SRGAP1: variants seen among roughly 807,000 people sequenced by gnomAD.
SRGAP1 encodes SLIT-ROBO Rho GTPase-activating protein 1.
A neutral mutation model predicts 121.9 loss-of-function variants in SRGAP1; 43 were observed. The observed-to-expected ratio is 0.35, with a 90% CI of 0.28 to 0.46. The LOEUF is 0.46. SRGAP1 is among the 20% of genes least tolerant of loss of function. The pLI, the probability that SRGAP1 is intolerant of heterozygous loss-of-function variation, is 1.00. For synonymous variants in SRGAP1, 447 were observed against 485.4 expected (o/e 0.92, Z 1.04); for missense variants, 1,102 against 1,350.9 (o/e 0.82, Z 2.89).
At chr12:63,907,039 G>A (rs773755990) in intron 1 of SRGAP1, among the ~76,000 whole-genome samples, 4 of 151,878 alleles carry the variant, frequency 2.6e-5, no homozygotes, top group Non-Finnish European at 5.9e-5. Flanking sequence ...AGTATGTGAG[G>A]GTGCTAATTT....
At chr12:64,106,824 A>G (rs1297339086) in intron 15 of SRGAP1, among the ~76,000 whole-genome samples, 1 of 152,222 alleles carries the variant, frequency 6.6e-6, no homozygotes, top group Non-Finnish European at 1.5e-5. Context: ...TGCCTTGTTC[A>G]TAGCGTTATA....
chr12:64,115,990 C>G (rs1233532356), intron 18 of SRGAP1, 97 bp downstream of exon 18: 9 of 1,162,534 alleles, frequency 7.7e-6, no homozygotes, highest in African/African-American at 1.5e-5. Flanking sequence ...CACAGTGGCT[C>G]CTACCTATAA....
chr12:63,895,669 C>T (rs187045642), intron 1 of SRGAP1, among the ~76,000 whole-genome samples: 162 of 152,302 alleles, frequency 1.1e-3, no homozygotes, highest in African/African-American at 3.6e-3. Context: ...TAGTAACCTC[C>T]CATTTCCTTT....
chr12:63,893,716 T>G (rs895917307), intron 1 of SRGAP1, among the ~76,000 whole-genome samples: 3 of 152,220 alleles, frequency 2.0e-5, no homozygotes, highest in Non-Finnish European at 4.4e-5. Flanking sequence ...TACACTTTAC[T>G]TTTACTAGAT....
chr12:63,953,613 C>A (rs1321004523), intron 1 of SRGAP1, among the ~76,000 whole-genome samples: 1 of 151,802 alleles, frequency 6.6e-6, no homozygotes, highest in African/African-American at 2.4e-5. Flanking sequence ...CACTTTATTG[C>A]CCAGTCTGGT....
intron 1 of SRGAP1, among the ~76,000 whole-genome samples, chr12:63,897,024 T>C (rs1265566591): frequency 6.6e-6 from 1 of 152,128 alleles, no homozygotes; most frequent in Non-Finnish European, 1.5e-5. Context: ...GGGAGATGAG[T>C]GTCAGTATTT....
At chr12:63,996,042 A>G (rs932266224) in intron 3 of SRGAP1, among the ~76,000 whole-genome samples, 1 of 151,896 alleles carries the variant, frequency 6.6e-6, no homozygotes, top group African/African-American at 2.4e-5. Flanking sequence ...AAAAAGTACC[A>G]TAAGTTAAAA....
At chr12:64,054,057 C>T (rs562426951) in intron 6 of SRGAP1, among the ~76,000 whole-genome samples, 32 of 152,142 alleles carry the variant, frequency 2.1e-4, no homozygotes, top group African/African-American at 7.7e-4. Flanking sequence ...CAGAGAAACT[C>T]AGTCCTCAAC....
At position 64,154,444 on chromosome 12, in the gene SRGAP1, G is replaced by C. The variant is rs553903801; in HGVS notation, c.*11772G>C. 4.6e-5 allele frequency: 7 copies of C among 152,212 alleles called. No homozygotes were observed. In the East Asian group the frequency reaches 9.7e-4, roughly 21 times the overall value. 9.4% of individuals were successfully genotyped at this position (152,212 alleles called of 1,614,324 possible). ...AGGGTGGCTTGGACTAGATAGCCAG[G>C]TAGAAGGAGAGGAAGGGATGAACCG... On this transcript the variant is annotated 3_prime_UTR_variant, in exon 22 of 22. Transcript: ENST00000355086.
At chr12:64,096,571 A>C (rs1322738247) in intron 14 of SRGAP1, among the ~76,000 whole-genome samples, 1 of 152,194 alleles carries the variant, frequency 6.6e-6, no homozygotes, top group Non-Finnish European at 1.5e-5. Flanking sequence ...AATATTTTAA[A>C]GTTGTTTACC....
At chr12:64,050,159 G>A (rs1593078039) in intron 6 of SRGAP1, among the ~76,000 whole-genome samples, 1 of 152,138 alleles carries the variant, frequency 6.6e-6, no homozygotes, top group African/African-American at 2.4e-5. Flanking sequence ...TATTATAAAT[G>A]GGATTACTTT....
intron 3 of SRGAP1, among the ~76,000 whole-genome samples, chr12:63,992,015 G>A (rs375226108): frequency 9.2e-5 from 14 of 152,320 alleles, no homozygotes; most frequent in African/African-American, 3.4e-4. Flanking sequence ...AACACTTGAA[G>A]TGAGACTTGT....
chr12:63,916,977 TGGCATG>T (rs2030807801), intron 1 of SRGAP1, among the ~76,000 whole-genome samples: 1 of 152,164 alleles, frequency 6.6e-6, no homozygotes, highest in Admixed American at 6.5e-5. Flanking sequence ...AAGGATCATT[TGGCATG>T]GGCTGCTGAT....
chr12:64,141,588 A>G (rs369367568), intron 21 of SRGAP1, among the ~76,000 whole-genome samples: 133 of 151,896 alleles, frequency 8.8e-4, no homozygotes, highest in South Asian at 2.1e-3. Flanking sequence ...TTGGGGGGGG[A>G]AAAAGTTGAA....
chr12:64,061,322 GCAGATTCTAACCTGTTCTTCT>G (rs888386526), intron 6 of SRGAP1, among the ~76,000 whole-genome samples: 123 of 152,062 alleles, frequency 8.1e-4, no homozygotes, highest in African/African-American at 2.6e-3. Context: ...GACTATTTTG[GCAGATTCTAACCTGTTCTTCT>G]CACTTCTAAA....
chr12:63,922,528 C>A (rs914584203), intron 1 of SRGAP1, among the ~76,000 whole-genome samples: 1 of 152,210 alleles, frequency 6.6e-6, no homozygotes, highest in African/African-American at 2.4e-5. Context: ...CAGACAAAGT[C>A]TTAGTTCTTT....
At chr12:64,046,506 G>A (rs2035132875) in intron 6 of SRGAP1, among the ~76,000 whole-genome samples, 1 of 152,116 alleles carries the variant, frequency 6.6e-6, no homozygotes, top group African/African-American at 2.4e-5. Context: ...CTACACAAGT[G>A]GTAGGATCAA....
rs981148697 is a variant in SRGAP1, at chr12:64,146,797, G to C, written c.*4125G>C. On this transcript the variant is annotated 3_prime_UTR_variant, in exon 22 of 22. Transcript: ENST00000355086. ...AGCTCCAGCTGGGCTGGAGAGTCAG[G>C]CTTGGTGCAGGGTGACTTTGGCGAA... 10 of 151,906 alleles carry C rather than the reference G, an allele frequency of 6.6e-5. No homozygotes were observed. Among genetic ancestry groups the C allele is most frequent in the Admixed American group, 5.9e-4 (9 of 15,262 alleles). The allele number at this position is 151,906 out of a possible 1,614,324, so 9.4% of individuals were successfully genotyped here. A position where few individuals can be genotyped will look rare whatever the true frequency, so the allele number is the denominator to read the frequency against.
At chr12:63,952,710 T>C (rs1169290641) in intron 1 of SRGAP1, among the ~76,000 whole-genome samples, 4 of 152,204 alleles carry the variant, frequency 2.6e-5, no homozygotes, top group African/African-American at 9.7e-5. Context: ...AATATCTTGA[T>C]GAAGCCCTTA....
Sources: gnomAD v4.1 joint callset for allele counts (sites outside exome capture counted in the v4.1 genomes callset) on GRCh38, gnomAD v4.1.1 for gene constraint, MANE v1.5 for transcripts, NCBI Gene and HGNC (gene_info 2026-07-23, HGNC 2026-07-21) for gene names.